Variants in CNTN6 observed in about 807,000 individuals in gnomAD.
CNTN6 encodes the protein contactin 6, also known as contactin-6.
A neutral mutation model predicts 122.8 loss-of-function variants in CNTN6; 137 were observed. That is an observed-to-expected ratio of 1.12 (90% CI 0.97 to 1.29). The LOEUF is 1.29. Among genes scored for constraint, CNTN6 ranks in the 50% most tolerant of loss-of-function variants. The probability of loss-of-function intolerance (pLI) is 0.00; values close to 1 mark genes in which losing one functional copy is unlikely to be tolerated. For missense variants in CNTN6, 1,634 were observed against 1,223.4 expected (o/e 1.34, Z -5.01); for synonymous variants, 570 against 426.0 (o/e 1.34, Z -4.16).
At chr3:1,107,375 T>C (rs889078560) in intron 1 of CNTN6, among the ~76,000 whole-genome samples, 2 of 152,104 alleles carry the variant, frequency 1.3e-5, no homozygotes, top group African/African-American at 4.8e-5. Flanking sequence ...TTCAATTCTA[T>C]AGATAATTAT....
At chr3:1,264,397 C>A (rs2094894809) in intron 4 of CNTN6, among the ~76,000 whole-genome samples, 1 of 152,082 alleles carries the variant, frequency 6.6e-6, no homozygotes. Context: ...CAGTTCACCT[C>A]TTTGTAAACT....
chr3:1,336,632 A>G (rs1703108145), intron 11 of CNTN6, among the ~76,000 whole-genome samples: 1 of 152,156 alleles, frequency 6.6e-6, no homozygotes, highest in African/African-American at 2.4e-5. Context: ...ATCCTACAAT[A>G]ATGCTACTGT....
At chr3:1,114,548 G>A (rs1417485827) in intron 1 of CNTN6, among the ~76,000 whole-genome samples, 2 of 151,508 alleles carry the variant, frequency 1.3e-5, no homozygotes, top group Non-Finnish European at 2.9e-5. Flanking sequence ...TTTCTCAAGG[G>A]GATCACAGGT....
chr3:1,210,218 G>A (rs958341326), intron 2 of CNTN6, among the ~76,000 whole-genome samples: 4 of 152,056 alleles, frequency 2.6e-5, no homozygotes, highest in African/African-American at 7.2e-5. Context: ...TAGGACACTT[G>A]ACCTCTCTAG....
At chr3:1,127,914 T>C (rs771960994) in intron 1 of CNTN6, among the ~76,000 whole-genome samples, 97 of 152,016 alleles carry the variant, frequency 6.4e-4, no homozygotes, top group Middle Eastern at 3.4e-3. Flanking sequence ...CAGAAGCCTA[T>C]GAGATATAGA....
chr3:1,311,032 A>AGG (rs969126083), intron 7 of CNTN6, among the ~76,000 whole-genome samples: 2 of 151,994 alleles, frequency 1.3e-5, no homozygotes, highest in African/African-American at 4.8e-5. Context: ...ATGAGAGCTG[A>AGG]GGGCAGGCAA....
intron 2 of CNTN6, among the ~76,000 whole-genome samples, chr3:1,170,417 G>T (rs1384121600): frequency 6.6e-6 from 1 of 152,044 alleles, no homozygotes; most frequent in Non-Finnish European, 1.5e-5. Context: ...GTTAGTAGCA[G>T]AACCCGTTGA....
Position 1,189,651 on chromosome 3 carries a change from G to A in CNTN6, c.56-31036G>A, listed in dbSNP as rs971672080. ...ACTGGTATTACATTGCCTCCTTCAT[G>A]TCGACTCCATTTCATTATCTGTGGA... is the stretch of plus-strand genomic sequence containing the variant. On this transcript the variant is annotated intron_variant, in intron 2 of 22. Transcript: ENST00000446702. 2.1e-4 allele frequency among the ~76,000 whole-genome samples: 32 copies of A among 152,180 alleles called. 1 individual carries two copies. The highest frequency in any genetic ancestry group is 7.2e-4 in the African/African-American group (30 of 41,530).
At chr3:1,375,840 G>C (rs1029712415) in intron 16 of CNTN6, among the ~76,000 whole-genome samples, 24 of 152,038 alleles carry the variant, frequency 1.6e-4, no homozygotes, top group African/African-American at 5.1e-4. Flanking sequence ...AGAACAATCA[G>C]ATTATCATAT....
intron 1 of CNTN6, among the ~76,000 whole-genome samples, chr3:1,113,938 A>G (rs912898240): frequency 6.6e-6 from 1 of 152,164 alleles, no homozygotes; most frequent in African/African-American, 2.4e-5. Flanking sequence ...AGCAAGGACA[A>G]TCCTGTCTCC....
intron 5 of CNTN6, among the ~76,000 whole-genome samples, chr3:1,288,915 CTAA>C: frequency 6.6e-6 from 1 of 152,104 alleles, no homozygotes; most frequent in Admixed American, 6.5e-5. Context: ...TCTGCCATTT[CTAA>C]TAATAATAAA....
chr3:1,211,696 A>C (rs2094040630), intron 2 of CNTN6, among the ~76,000 whole-genome samples: 1 of 151,808 alleles, frequency 6.6e-6, no homozygotes, highest in Non-Finnish European at 1.5e-5. Context: ...CTTTGTGTAG[A>C]CTGGTGTTCT....
intron 4 of CNTN6, among the ~76,000 whole-genome samples, chr3:1,245,278 C>CATAT (rs1559597056): frequency 5.1e-4 from 3 of 5,896 alleles, no homozygotes; most frequent in Non-Finnish European, 3.1e-4. Flanking sequence ...TATATATACA[C>CATAT]ACACATATAT....
In CNTN6 at chr3:1,339,658, C is replaced by T. The variant is rs541735702; in HGVS notation, c.1364+9723C>T. Reference sequence around the variant, plus strand: ...AAAAGTGGGAGGTACAGGCTTATTACGAGACTGTCTTACTGTATATTTGGT... The same window carrying T: ...AAAAGTGGGAGGTACAGGCTTATTATGAGACTGTCTTACTGTATATTTGGT... On this transcript the variant is annotated intron_variant, in intron 11 of 22. Coordinates refer to ENST00000446702, the MANE Select transcript of CNTN6 (RefSeq NM_001289080.2). Among the ~76,000 whole-genome samples the T allele has an allele frequency of 9.2e-5, 14 of 152,156 alleles. No homozygotes were observed. In the South Asian group the frequency reaches 1.9e-3, roughly 20 times the overall value.
At chr3:1,389,345 T>C (rs1213666477) in intron 20 of CNTN6, among the ~76,000 whole-genome samples, 1 of 151,912 alleles carries the variant, frequency 6.6e-6, no homozygotes, top group East Asian at 1.9e-4. Flanking sequence ...TAAAATACTT[T>C]ACAGACAAGC....
chr3:1,180,137 T>A (rs2093527118), intron 2 of CNTN6, among the ~76,000 whole-genome samples: 1 of 151,956 alleles, frequency 6.6e-6, no homozygotes, highest in Admixed American at 6.6e-5. Context: ...AAGTTGGAGG[T>A]CTCTGAAACT....
intron 1 of CNTN6, among the ~76,000 whole-genome samples, chr3:1,095,701 C>T (rs960189497): frequency 4.6e-5 from 7 of 152,204 alleles, no homozygotes; most frequent in African/African-American, 1.7e-4. Flanking sequence ...TTTGGATGCA[C>T]GTTTAAATAG....
chr3:1,353,672 G>C (rs980009), intron 12 of CNTN6, among the ~76,000 whole-genome samples: 58,856 of 151,322 alleles, frequency 0.39, 12,829 homozygotes, highest in African/African-American at 0.57. Context: ...AAATGTGAAT[G>C]CTTTATATTT....
chr3:1,115,477 C>T (rs1003544458), intron 1 of CNTN6, among the ~76,000 whole-genome samples: 5 of 152,134 alleles, frequency 3.3e-5, no homozygotes, highest in African/African-American at 9.7e-5. Context: ...GGGCCGGGTA[C>T]GGTGGCTCAT....
Sources: allele counts gnomAD v4.1 joint callset (sites outside exome capture counted in the v4.1 genomes callset), GRCh38; gene constraint gnomAD v4.1.1; transcripts MANE v1.5; gene names NCBI Gene and HGNC (gene_info 2026-07-23, HGNC 2026-07-21).